Variants in PNLDC1 observed in about 807,000 individuals in gnomAD.
PNLDC1 encodes the protein PARN like ribonuclease domain containing exonuclease 1.
A neutral mutation model predicts 82.0 loss-of-function variants in PNLDC1; 70 were observed. The ratio of observed to expected loss-of-function variants is 0.85; its 90% CI spans 0.70 to 1.04. PNLDC1 has a LOEUF of 1.04. PNLDC1 is among the 50% of genes least tolerant of loss of function. The probability of loss-of-function intolerance (pLI) is 0.00; values close to 1 mark genes in which losing one functional copy is unlikely to be tolerated. For missense variants in PNLDC1, 631 were observed against 661.1 expected, an observed-to-expected ratio of 0.95 and a Z score of 0.50; for synonymous variants, 280 against 249.3, an observed-to-expected ratio of 1.12 and a Z score of -1.16.
intron 18 of PNLDC1, 51 bp from the exon 19 acceptor site, chr6:159,820,403 C>G: frequency 6.3e-7 from 1 of 1,589,810 alleles, no homozygotes; most frequent in Non-Finnish European, 8.6e-7. Flanking sequence ...GTGTCGGTGC[C>G]TCTCGGCCTG....
At position 159,817,076 on chromosome 6, in the gene PNLDC1, C is replaced by T. The variant is rs1269531082; in HGVS notation, c.1115-33C>T. The T allele has an allele frequency of 3.8e-6, 6 of 1,593,336 alleles. No homozygotes were observed. The African/African-American group carries it at 6.7e-5, about 18-fold the overall frequency. The stretch of plus-strand genomic sequence containing the variant: ...GCATAAGCATGCACATTTTGATAAG[C>T]TCTATTGCATTTCTGTCTTTTTTCC... On this transcript the variant is annotated intron_variant, in intron 14 of 18. Transcript: ENST00000392167.
At position 159,810,128 on chromosome 6, in the gene PNLDC1, C is replaced by T. The variant is rs147025819; in HGVS notation, c.853+33C>T. ...CAAACCTGTCATTTCTCTTCCTTCA[C>T]GCTAGTTTGCCATCTGGCAGAGGGA... On this transcript the variant is annotated intron_variant, in intron 10 of 18. Coordinates refer to ENST00000392167, the MANE Select transcript of PNLDC1 (RefSeq NM_001271862.2). The T allele has an allele frequency of 8.4e-4, 1,336 of 1,582,948 alleles. 11 individuals are homozygous for T. The East Asian group carries it at 0.023, about 28-fold the overall frequency.
chr6:159,817,224 C>G (rs1199868421), intron 15 of PNLDC1, 73 bp downstream of exon 15: 2 of 1,337,798 alleles, frequency 1.5e-6, no homozygotes, highest in African/African-American at 2.9e-5. Context: ...TGGAAGCCAA[C>G]ACCTCTCCAG....
intron 5 of PNLDC1, among the ~76,000 whole-genome samples, chr6:159,804,315 G>A (rs144408335): frequency 0.01 from 1,524 of 152,308 alleles, 23 homozygotes; most frequent in Middle Eastern, 0.041. Context: ...TGTTGGTCAG[G>A]CTGGTCTTGA....
Position 159,813,594 on chromosome 6 carries a change from A to G in PNLDC1, c.940-7A>G. 1 of 1,610,390 alleles carries G rather than the reference A, an allele frequency of 6.2e-7. No individual in the cohort carries two copies. The highest frequency in any genetic ancestry group is 8.5e-7 in the Non-Finnish European group (1 of 1,176,606). On this transcript the variant is annotated splice_polypyrimidine_tract_variant and splice_region_variant and intron_variant, in intron 11 of 18. Transcript: ENST00000392167. Reference sequence around the variant, plus strand: ...GTTTTCCTCTGGTTTGTTTTCCATGATTGTAGGAGATGAATTTCCCGAGGG... The same window carrying G: ...GTTTTCCTCTGGTTTGTTTTCCATGGTTGTAGGAGATGAATTTCCCGAGGG...
intron 9 of PNLDC1, 115 bp downstream of exon 9, chr6:159,809,273 C>T (rs1781564715): frequency 7.4e-7 from 1 of 1,354,300 alleles, no homozygotes. Flanking sequence ...GTGATTCCTT[C>T]TCATGAATTT....
chr6:159,809,240 C>T, intron 9 of PNLDC1, 82 bp downstream of exon 9: 1 of 1,522,814 alleles, frequency 6.6e-7, no homozygotes, highest in South Asian at 1.2e-5. Context: ...CCTTCAACAA[C>T]AAGATAAAAT....
upstream of PNLDC1, among the ~76,000 whole-genome samples, chr6:159,799,636 A>G (rs1781161664): frequency 6.6e-6 from 1 of 152,184 alleles, no homozygotes; most frequent in South Asian, 2.1e-4. Context: ...GTAAAAATTA[A>G]GCTCACATGT....
chr6:159,813,726 T>C (rs2115050571), intron 12 of PNLDC1, 70 bp downstream of exon 12: 1 of 1,414,256 alleles, frequency 7.1e-7, no homozygotes, highest in Non-Finnish European at 1.0e-6. Context: ...CGCAGGCCTT[T>C]GGGCTCTCTA....
rs1781228281 is a variant in PNLDC1, at chr6:159,800,943, C to T, written c.134+114C>T. The T allele has an allele frequency of 6.1e-5, 92 of 1,503,270 alleles. 2 individuals are homozygous for T. The South Asian group carries it at 1.0e-3, about 17-fold the overall frequency. The allele number at this position is 1,503,270 out of a possible 1,614,324, so 93.1% of individuals were successfully genotyped here. On this transcript the variant is annotated intron_variant, in intron 2 of 18. Coordinates refer to ENST00000392167, the MANE Select transcript of PNLDC1 (RefSeq NM_001271862.2). ...GGACGTTTTGTGTGGCTTGCTCCTA[C>T]GTGTTGGAGGACCTTGCTTTTTTCT...
At chr6:159,800,654 C>T in intron 1 of PNLDC1, 118 bp from the exon 2 acceptor site, 1 of 1,582,046 alleles carries the variant, frequency 6.3e-7, no homozygotes, top group Non-Finnish European at 8.6e-7. Flanking sequence ...CCTGACCTCA[C>T]TTGGCTTCTT....
chr6:159,809,570 A>G (rs1295573138), intron 9 of PNLDC1, among the ~76,000 whole-genome samples: 2 of 151,392 alleles, frequency 1.3e-5, no homozygotes, highest in African/African-American at 4.9e-5. Flanking sequence ...GTGGGATTAT[A>G]GGCATGAGCC....
Position 159,804,444 on chromosome 6 carries a change from C to T in PNLDC1, c.373-105C>T, listed in dbSNP as rs547272642. 8 of 785,622 alleles carry T rather than the reference C, an allele frequency of 1.0e-5. No individual in the cohort carries two copies. The South Asian group carries it at 1.2e-4, about 12-fold the overall frequency. The allele number at this position is 785,622 out of a possible 1,614,324, so 48.7% of individuals were successfully genotyped here. A position where few individuals can be genotyped will look rare whatever the true frequency, so the allele number is the denominator to read the frequency against. Reference sequence around the variant, plus strand: ...AGTGATCTAGACGAACTGGCTTATACAGCCCGTCTCCTTTCCCCTTTCTAC... The same window carrying T: ...AGTGATCTAGACGAACTGGCTTATATAGCCCGTCTCCTTTCCCCTTTCTAC... On this transcript the variant is annotated intron_variant, in intron 5 of 18. Transcript: ENST00000392167.
chr6:159,800,015 C>T (rs1781174168), upstream of PNLDC1, among the ~76,000 whole-genome samples: 1 of 152,218 alleles, frequency 6.6e-6, no homozygotes, highest in Non-Finnish European at 1.5e-5. Flanking sequence ...ATTCTAAGTC[C>T]ATGTAAATGA....
intron 6 of PNLDC1, among the ~76,000 whole-genome samples, chr6:159,805,022 T>C (rs1008454828): frequency 6.6e-6 from 1 of 152,234 alleles, no homozygotes; most frequent in African/African-American, 2.4e-5. Context: ...CTGAGGGATT[T>C]TTCAAGGATA....
At chr6:159,817,380 C>T (rs1161376826) in intron 15 of PNLDC1, among the ~76,000 whole-genome samples, 1 of 152,184 alleles carries the variant, frequency 6.6e-6, no homozygotes, top group African/African-American at 2.4e-5. Flanking sequence ...TGGGTCCTGG[C>T]CCCCTCATCC....
rs934070581 is a variant in PNLDC1 at position 159,804,212 on chromosome 6, T to G, written c.372+124T>G. On this transcript the variant is annotated intron_variant, in intron 5 of 18. Coordinates refer to ENST00000392167, the MANE Select transcript of PNLDC1 (RefSeq NM_001271862.2). ...GCCTCCCGGGTTCAAGTGATTTTCC[T>G]GCTTCAGCCTCCCAAGTAGCTGGGA... The G allele has an allele frequency of 9.5e-6, 11 of 1,155,448 alleles. No homozygotes were observed. The Admixed American group carries it at 2.5e-4, about 27-fold the overall frequency. The allele number at this position is 1,155,448 out of a possible 1,614,324, so 71.6% of individuals were successfully genotyped here.
At position 159,811,698 on chromosome 6, in the gene PNLDC1, C is replaced by T. The variant is rs374568336; in HGVS notation, c.854-3C>T. On this transcript the variant is annotated splice_polypyrimidine_tract_variant and splice_region_variant and intron_variant, in intron 10 of 18. Coordinates refer to ENST00000392167, the MANE Select transcript of PNLDC1 (RefSeq NM_001271862.2). ...TCTTGACTACCTGGGTTTTTCCCCT[C>T]AGAAAGCTACGATCAATTTAAGCAG... The T allele has an allele frequency of 1.4e-4, 227 of 1,612,028 alleles. No homozygotes were observed. The highest frequency in any genetic ancestry group is 1.9e-4 in the Non-Finnish European group (222 of 1,178,588).
In PNLDC1 at chr6:159,820,643, T is replaced by C; in HGVS notation, c.*126T>C. ...GTTTGGTCTTTTCTAGAAATTCTGT[T>C]ATGTCCTGAACGTGAAATTCTGTCA... On this transcript the variant is annotated 3_prime_UTR_variant, in exon 19 of 19. Transcript: ENST00000392167. 8 of 886,968 alleles carry C rather than the reference T, an allele frequency of 9.0e-6. No individual in the cohort carries two copies. In the South Asian group the frequency reaches 1.1e-4, roughly 13 times the overall value. The allele number at this position is 886,968 out of a possible 1,614,324, so 54.9% of individuals were successfully genotyped here.
Sources: allele counts gnomAD v4.1 joint callset (sites outside exome capture counted in the v4.1 genomes callset), GRCh38; gene constraint gnomAD v4.1.1; transcripts MANE v1.5; gene names NCBI Gene and HGNC (gene_info 2026-07-23, HGNC 2026-07-21).